The following NCKAP5 variants were observed in gnomAD, a reference collection of about 807,000 sequenced individuals.
NCKAP5 encodes NCK associated protein 5, also known as nck-associated protein 5.
A neutral mutation model predicts 167.0 loss-of-function variants in NCKAP5; 92 were observed. The ratio of observed to expected loss-of-function variants is 0.55; its 90% CI spans 0.47 to 0.66. The LOEUF (loss-of-function observed/expected upper bound fraction) is 0.66. Among genes scored for constraint, NCKAP5 ranks in the 30% least tolerant of loss-of-function variants. The pLI, the probability that NCKAP5 is intolerant of heterozygous loss-of-function variation, is 0.00. For missense variants in NCKAP5, 2,378 were observed against 2,315.0 expected, an observed-to-expected ratio of 1.03 and a Z score of -0.56; for synonymous variants, 891 against 877.4, an observed-to-expected ratio of 1.02 and a Z score of -0.27.
chr2:132,932,992 T>A (rs1696535272), intron 8 of NCKAP5, among the ~76,000 whole-genome samples: 1 of 149,052 alleles, frequency 6.7e-6, no homozygotes, highest in Non-Finnish European at 1.5e-5. Context: ...TGGAACGATC[T>A]CGGCTCACTG....
chr2:133,176,299 T>C (rs1044783552), intron 5 of NCKAP5, among the ~76,000 whole-genome samples: 4 of 152,238 alleles, frequency 2.6e-5, no homozygotes, highest in Admixed American at 2.0e-4. Context: ...TGAATTGCCA[T>C]AACACTGTGA....
intron 8 of NCKAP5, among the ~76,000 whole-genome samples, chr2:132,911,422 G>A (rs1453722799): frequency 6.6e-6 from 1 of 152,132 alleles, no homozygotes; most frequent in African/African-American, 2.4e-5. Flanking sequence ...GCAAATTTTA[G>A]TTCATCATTG....
At chr2:132,718,445 A>G (rs1302588891) in intron 19 of NCKAP5, among the ~76,000 whole-genome samples, 1 of 152,230 alleles carries the variant, frequency 6.6e-6, no homozygotes, top group Non-Finnish European at 1.5e-5. Flanking sequence ...AATTTGGGAC[A>G]GAGACTATGA....
intron 5 of NCKAP5, 118 bp downstream of exon 5, chr2:133,213,596 AAT>A: frequency 1.1e-6 from 1 of 943,532 alleles, no homozygotes; most frequent in Non-Finnish European, 1.6e-6. Flanking sequence ...CATTTGCCAA[AAT>A]ATCATTAAGT....
the NCKAP5 span, among the ~76,000 whole-genome samples, chr2:133,666,687 T>G: frequency 1.3e-5 from 2 of 151,250 alleles, no homozygotes; most frequent in African/African-American, 4.9e-5. Flanking sequence ...TATAATAGAT[T>G]AAAATATTCT....
chr2:133,403,420 G>A (rs1205135015), intron 3 of NCKAP5, among the ~76,000 whole-genome samples: 1 of 152,168 alleles, frequency 6.6e-6, no homozygotes, highest in Non-Finnish European at 1.5e-5. Context: ...GGTGTAGCAA[G>A]TAATTTCTTA....
At chr2:133,654,057 C>T in the NCKAP5 span, among the ~76,000 whole-genome samples, 4 of 152,096 alleles carry the variant, frequency 2.6e-5, no homozygotes, top group Non-Finnish European at 4.4e-5. Context: ...TTTTGGCATC[C>T]GACATCATTT....
intron 6 of NCKAP5, among the ~76,000 whole-genome samples, chr2:133,003,662 A>G (rs2077862816): frequency 6.6e-6 from 1 of 152,226 alleles, no homozygotes; most frequent in South Asian, 2.1e-4. Flanking sequence ...TAAATGTTGG[A>G]GGACTGGAGT....
chr2:132,675,179 T>C (rs1198414415), intron 19 of NCKAP5, among the ~76,000 whole-genome samples: 1 of 152,196 alleles, frequency 6.6e-6, no homozygotes, highest in Non-Finnish European at 1.5e-5. Flanking sequence ...GGCTGAAGGC[T>C]TTGGTACTGA....
At chr2:133,179,055 C>A (rs535800719) in intron 5 of NCKAP5, among the ~76,000 whole-genome samples, 1 of 152,004 alleles carries the variant, frequency 6.6e-6, no homozygotes, top group African/African-American at 2.4e-5. Context: ...GTAGACCTAG[C>A]TACTCAGGAG....
intron 19 of NCKAP5, among the ~76,000 whole-genome samples, chr2:132,692,765 C>T (rs941209369): frequency 1.3e-5 from 2 of 152,192 alleles, no homozygotes; most frequent in African/African-American, 4.8e-5. Context: ...AACCAAGGTA[C>T]TGCTTGGTAG....
intron 8 of NCKAP5, among the ~76,000 whole-genome samples, chr2:132,907,987 T>C (rs1007473218): frequency 6.6e-6 from 1 of 152,130 alleles, no homozygotes; most frequent in Non-Finnish European, 1.5e-5. Context: ...TAAAGCCTCA[T>C]ACCCAACAGA....
chr2:133,634,261 T>C, the NCKAP5 span, among the ~76,000 whole-genome samples: 3 of 152,192 alleles, frequency 2.0e-5, no homozygotes, highest in Non-Finnish European at 4.4e-5. Flanking sequence ...AGTTTGCGTT[T>C]CAGCACAATA....
intron 9 of NCKAP5, among the ~76,000 whole-genome samples, chr2:132,875,203 T>G (rs2148794482): frequency 6.6e-6 from 1 of 152,254 alleles, no homozygotes; most frequent in Middle Eastern, 3.4e-3. Flanking sequence ...TGGGAATCTC[T>G]GAGGTGTGAC....
chr2:133,115,743 C>A (rs1353053024), intron 6 of NCKAP5, among the ~76,000 whole-genome samples: 2 of 133,576 alleles, frequency 1.5e-5, no homozygotes, highest in Non-Finnish European at 3.2e-5. Flanking sequence ...TTCCATTTAT[C>A]TGGAGGTAAA....
intron 13 of NCKAP5, 96 bp from the exon 14 acceptor site, chr2:132,785,814 G>C (rs1290200315): frequency 1.0e-6 from 1 of 973,414 alleles, no homozygotes; most frequent in Non-Finnish European, 1.4e-6. Context: ...TTGTGCTAGT[G>C]GTTGGTAACT....
the NCKAP5 span, among the ~76,000 whole-genome samples, chr2:133,628,884 G>T: frequency 2.0e-5 from 3 of 152,118 alleles, no homozygotes; most frequent in Non-Finnish European, 4.4e-5. Flanking sequence ...CAAGCAATGG[G>T]GAAAGGACTC....
intron 3 of NCKAP5, among the ~76,000 whole-genome samples, chr2:133,308,836 G>T (rs1021801265): frequency 1.4e-5 from 2 of 147,330 alleles, no homozygotes; most frequent in Admixed American, 6.8e-5. Context: ...TCAGCCTCCC[G>T]AGTAGCTGGG....
At chr2:133,250,955 A>C (rs2088287008) in intron 4 of NCKAP5, among the ~76,000 whole-genome samples, 2 of 150,904 alleles carry the variant, frequency 1.3e-5, no homozygotes, top group Non-Finnish European at 3.0e-5. Flanking sequence ...CAAACAAACA[A>C]AAACAAGAAA....
Sources: allele counts gnomAD v4.1 joint callset (sites outside exome capture counted in the v4.1 genomes callset), GRCh38; gene constraint gnomAD v4.1.1; transcripts MANE v1.5; gene names NCBI Gene and HGNC (gene_info 2026-07-23, HGNC 2026-07-21).